The following PRKCA variants were observed in gnomAD, a reference collection of about 807,000 sequenced individuals.
The protein encoded by PRKCA is protein kinase C alpha type.
PRKCA carries 27 observed loss-of-function variants against 87.0 expected under a neutral mutation model. That is an observed-to-expected ratio of 0.31 (90% confidence interval 0.23 to 0.43). The LOEUF is 0.43. Among genes scored for constraint, PRKCA ranks in the 20% least tolerant of loss-of-function variants. PRKCA has a pLI of 1.00. For synonymous variants in PRKCA, 329 were observed against 311.1 expected (o/e 1.06, Z -0.61); for missense variants, 518 against 852.3 (o/e 0.61, Z 4.88).
chr17:66,348,244 G>C (rs1907527348), intron 2 of PRKCA, among the ~76,000 whole-genome samples: 1 of 151,948 alleles, frequency 6.6e-6, no homozygotes, highest in Non-Finnish European at 1.5e-5. Context: ...GCCTGGCCCA[G>C]AATCAATAAT....
chr17:66,634,871 C>G (rs980699943), intron 3 of PRKCA, among the ~76,000 whole-genome samples: 9 of 152,246 alleles, frequency 5.9e-5, no homozygotes, highest in Admixed American at 5.2e-4. Context: ...TGTCAGTCCT[C>G]TGTGTGTGGG....
At chr17:66,759,065 T>TTAC (rs1234360281) in intron 13 of PRKCA, among the ~76,000 whole-genome samples, 2 of 152,066 alleles carry the variant, frequency 1.3e-5, no homozygotes, top group Non-Finnish European at 2.9e-5. Flanking sequence ...TATTTGAAAG[T>TTAC]AGACTTGGGC....
chr17:66,498,322 A>T (rs1916574024), intron 3 of PRKCA, among the ~76,000 whole-genome samples: 1 of 151,988 alleles, frequency 6.6e-6, no homozygotes, highest in Non-Finnish European at 1.5e-5. Context: ...ATAGCCTTTC[A>T]CTTCCTTGCT....
At chr17:66,541,073 C>G (rs1306720357) in intron 3 of PRKCA, among the ~76,000 whole-genome samples, 2 of 152,176 alleles carry the variant, frequency 1.3e-5, no homozygotes, top group African/African-American at 4.8e-5. Flanking sequence ...AGGGACCATT[C>G]CAGCTACAGG....
In PRKCA at chr17:66,677,562, A is replaced by G. The variant is rs534253518; in HGVS notation, c.530-9549A>G. On this transcript the variant is annotated intron_variant, in intron 5 of 16. Transcript: ENST00000413366. ...GGTTTGCTATCTCCTATTCCACACTAATAGGTGAACCTGAATGCAGAGGTC... is the reference window on the plus strand; with the variant it reads ...GGTTTGCTATCTCCTATTCCACACTGATAGGTGAACCTGAATGCAGAGGTC... Among the ~76,000 whole-genome samples the G allele has an allele frequency of 3.3e-5, 5 of 152,342 alleles. No individual in the cohort carries two copies. In the East Asian group the frequency reaches 9.7e-4, roughly 29 times the overall value.
intron 2 of PRKCA, among the ~76,000 whole-genome samples, chr17:66,374,023 G>A (rs1446880654): frequency 6.6e-6 from 1 of 152,200 alleles, no homozygotes; most frequent in African/African-American, 2.4e-5. Context: ...TCACCTGGGT[G>A]CATGTCCTGG....
intron 2 of PRKCA, among the ~76,000 whole-genome samples, chr17:66,338,840 GT>G (rs1906865318): frequency 1.3e-5 from 2 of 152,310 alleles, no homozygotes. Context: ...TCTGTTTATG[GT>G]AAGTCATTTT....
chr17:66,596,052 GA>G (rs1326598738), intron 3 of PRKCA, among the ~76,000 whole-genome samples: 1 of 152,150 alleles, frequency 6.6e-6, no homozygotes, highest in Non-Finnish European at 1.5e-5. Context: ...CATTCCCAGG[GA>G]CCCCGTTTGC....
intron 3 of PRKCA, among the ~76,000 whole-genome samples, chr17:66,535,087 T>C (rs1025706829): frequency 1.3e-5 from 2 of 152,210 alleles, no homozygotes; most frequent in African/African-American, 4.8e-5. Flanking sequence ...CCAAACTCTC[T>C]GAGACTGCGC....
intron 3 of PRKCA, among the ~76,000 whole-genome samples, chr17:66,611,214 T>G (rs1203079138): frequency 6.6e-6 from 1 of 152,216 alleles, no homozygotes; most frequent in Non-Finnish European, 1.5e-5. Context: ...CCCATAAGCT[T>G]CACCCATTTA....
At chr17:66,559,751 T>G (rs904299229) in intron 3 of PRKCA, among the ~76,000 whole-genome samples, 8 of 152,288 alleles carry the variant, frequency 5.3e-5, no homozygotes, top group African/African-American at 1.9e-4. Flanking sequence ...CCAGAACGGT[T>G]TCAAGTCAAC....
chr17:66,617,687 T>C (rs573965826), intron 3 of PRKCA, among the ~76,000 whole-genome samples: 38 of 152,258 alleles, frequency 2.5e-4, no homozygotes, highest in Non-Finnish European at 4.7e-4. Flanking sequence ...AAAACCATAT[T>C]AAAATTGAGT....
chr17:66,657,517 C>T (rs1397317057), intron 5 of PRKCA, among the ~76,000 whole-genome samples: 1 of 152,128 alleles, frequency 6.6e-6, no homozygotes, highest in Non-Finnish European at 1.5e-5. Context: ...GGAAATGCCG[C>T]ACTGACCTCC....
intron 2 of PRKCA, among the ~76,000 whole-genome samples, chr17:66,480,962 G>C (rs1333289764): frequency 1.3e-5 from 2 of 152,012 alleles, no homozygotes; most frequent in African/African-American, 4.8e-5. Context: ...TCCATAGTTT[G>C]CATGAGGTGG....
intron 2 of PRKCA, among the ~76,000 whole-genome samples, chr17:66,449,858 G>T (rs1236273422): frequency 6.6e-6 from 1 of 152,056 alleles, no homozygotes; most frequent in African/African-American, 2.4e-5. Flanking sequence ...CAGCTTTTTT[G>T]TTGTTGTTTT....
At chr17:66,695,444 G>T (rs1360421356) in intron 8 of PRKCA, among the ~76,000 whole-genome samples, 1 of 152,188 alleles carries the variant, frequency 6.6e-6, no homozygotes. Context: ...TACCTGTAGG[G>T]TTGCTTATCT....
At chr17:66,433,899 C>T (rs1913234065) in intron 2 of PRKCA, among the ~76,000 whole-genome samples, 1 of 152,160 alleles carries the variant, frequency 6.6e-6, no homozygotes, top group South Asian at 2.1e-4. Context: ...GAGGCCTGGG[C>T]ACCTGGTTGT....
intron 13 of PRKCA, among the ~76,000 whole-genome samples, chr17:66,772,819 C>A (rs1974968948): frequency 1.3e-5 from 2 of 152,124 alleles, no homozygotes; most frequent in Admixed American, 1.3e-4. Context: ...TCACCAATTT[C>A]AACAGCTGCC....
At chr17:66,666,638 G>C (rs905179138) in intron 5 of PRKCA, among the ~76,000 whole-genome samples, 1 of 152,066 alleles carries the variant, frequency 6.6e-6, no homozygotes, top group Non-Finnish European at 1.5e-5. Context: ...CCTCATTATG[G>C]CTCCAAATTT....
Sources: gnomAD v4.1 joint callset for allele counts (sites outside exome capture counted in the v4.1 genomes callset) on GRCh38, gnomAD v4.1.1 for gene constraint, MANE v1.5 for transcripts, NCBI Gene and HGNC (gene_info 2026-07-23, HGNC 2026-07-21) for gene names.